The following PRDM11 variants were observed in gnomAD, a reference collection of about 807,000 sequenced individuals.
The protein encoded by PRDM11 is PR domain-containing protein 11.
In PRDM11, 20 loss-of-function variants were observed where a neutral mutation model predicts 97.8. The ratio of observed to expected loss-of-function variants is 0.20; its 90% CI spans 0.14 to 0.30. PRDM11 has a LOEUF of 0.30. Among genes scored for constraint, PRDM11 ranks in the 10% least tolerant of loss-of-function variants. The pLI is 1.00. For synonymous variants in PRDM11, 599 were observed against 637.7 expected, an observed-to-expected ratio of 0.94 and a Z score of 0.91; for missense variants, 1,139 against 1,555.2, an observed-to-expected ratio of 0.73 and a Z score of 4.50.
At chr11:45,211,099 G>A (rs1853715922) in intron 5 of PRDM11, among the ~76,000 whole-genome samples, 1 of 152,202 alleles carries the variant, frequency 6.6e-6, no homozygotes, top group Non-Finnish European at 1.5e-5. Flanking sequence ...TCGGCCAGGG[G>A]CTTGGCAGAA....
At chr11:45,205,005 C>T (rs1321410757) in intron 5 of PRDM11, among the ~76,000 whole-genome samples, 7 of 152,158 alleles carry the variant, frequency 4.6e-5, no homozygotes, top group African/African-American at 9.7e-5. Flanking sequence ...AGGGACCGCT[C>T]GGGCTGCTCA....
intron 7 of PRDM11, chr11:45,225,152 G>T: frequency 7.3e-7 from 1 of 1,360,834 alleles, no homozygotes; most frequent in Non-Finnish European, 9.5e-7. Context: ...TTACCCCAAA[G>T]CCCAATTTCT....
intron 4 of PRDM11, among the ~76,000 whole-genome samples, chr11:45,183,465 GC>G (rs1488236603): frequency 3.9e-5 from 6 of 152,178 alleles, no homozygotes; most frequent in Non-Finnish European, 5.9e-5. Context: ...CTCGGAGCTG[GC>G]CTTTGGGGAT....
chr11:45,139,774 GGTCT>G (rs1253718975), intron 1 of PRDM11, among the ~76,000 whole-genome samples: 1 of 152,038 alleles, frequency 6.6e-6, no homozygotes, highest in South Asian at 2.1e-4. Flanking sequence ...CCTATGTGTT[GGTCT>G]TCCTTGGGAT....
chr11:45,183,150 G>A (rs1247989823), intron 4 of PRDM11, 27 bp downstream of exon 4: 2 of 1,590,710 alleles, frequency 1.3e-6, no homozygotes, highest in Admixed American at 3.5e-5. Context: ...CTATTCATGG[G>A]AGAGGTTGCC....
chr11:45,214,802 C>A (rs1050838483), intron 5 of PRDM11: 15 of 152,194 alleles, frequency 9.9e-5, no homozygotes, highest in Admixed American at 2.0e-4. Flanking sequence ...CCTGTGAAAA[C>A]CTCGAGGACC....
chr11:45,094,557 A>G (rs1360305961), upstream of PRDM11, among the ~76,000 whole-genome samples: 6 of 137,038 alleles, frequency 4.4e-5, no homozygotes, highest in Non-Finnish European at 7.9e-5. Context: ...TGACGGGAGG[A>G]AAGAGGAGAG....
intron 1 of PRDM11, among the ~76,000 whole-genome samples, chr11:45,165,059 C>T (rs989121291): frequency 3.3e-5 from 5 of 152,102 alleles, no homozygotes. Flanking sequence ...GCGGGGGTAA[C>T]GAAAGGCACA....
At position 45,224,635 on chromosome 11, in the gene PRDM11, A is replaced by G. The variant is rs1360948398; in HGVS notation, c.1161A>G (p.Ser387=). The G allele has an allele frequency of 6.2e-7, 1 of 1,614,176 alleles. No individual in the cohort carries two copies. Among genetic ancestry groups the G allele is most frequent in the East Asian group, 2.2e-5 (1 of 44,870 alleles). Residue 387 remains serine (S), a synonymous_variant, in exon 7 of 8, where the codon TCA becomes TCG. Coordinates refer to ENST00000683152, the MANE Select transcript of PRDM11 (RefSeq NM_001384648.1). ...AGGATGAAGAAGAGGAGCCTTCATC[A>G]TTCAAGGCCGACAGTCCTGCCGAGG... is the stretch of plus-strand genomic sequence containing the variant. ...QLEDEEEEPS[S]FKADSPAEAS...
At chr11:45,126,246 G>C (rs1310066220) in intron 1 of PRDM11, among the ~76,000 whole-genome samples, 3 of 151,912 alleles carry the variant, frequency 2.0e-5, no homozygotes, top group Middle Eastern at 3.4e-3. Context: ...TTGTGAGATG[G>C]GTTTCCTGAA....
intron 1 of PRDM11, among the ~76,000 whole-genome samples, chr11:45,180,190 C>T (rs539787074): frequency 6.6e-6 from 1 of 152,380 alleles, no homozygotes; most frequent in Non-Finnish European, 1.5e-5. Context: ...CCAATTCCTG[C>T]GCCCTCACAG....
chr11:45,225,114 C>G (rs1295820114), intron 7 of PRDM11: 2 of 1,421,428 alleles, frequency 1.4e-6, no homozygotes, highest in African/African-American at 2.9e-5. Context: ...GTGTTCTTGA[C>G]CCGTTGCCTT....
chr11:45,094,962 G>A (rs1851867955), upstream of PRDM11, among the ~76,000 whole-genome samples: 1 of 152,054 alleles, frequency 6.6e-6, no homozygotes, highest in Non-Finnish European at 1.5e-5. Flanking sequence ...TCAGTACCTG[G>A]CAGAAGGAGA....
intron 1 of PRDM11, among the ~76,000 whole-genome samples, chr11:45,153,270 C>T (rs1851705246): frequency 6.6e-6 from 1 of 152,222 alleles, no homozygotes. Flanking sequence ...GAGAAGGAGC[C>T]AGGGAGCCAG....
At chr11:45,122,236 C>CACACACACAG (rs570495237) in intron 1 of PRDM11, among the ~76,000 whole-genome samples, 1,468 of 144,598 alleles carry the variant, frequency 0.01, 7 homozygotes, top group South Asian at 0.03. Context: ...CACACACACA[C>CACACACACAG]AGAGAGAAAC....
chr11:45,094,700 AAGGG>A (rs1475945531), upstream of PRDM11, among the ~76,000 whole-genome samples: 3 of 128,664 alleles, frequency 2.3e-5, no homozygotes, highest in East Asian at 2.7e-4. Context: ...GGAAGGAAGG[AAGGG>A]AGGGAGGGAG....
In PRDM11 at chr11:45,203,803, G is replaced by A. The variant is rs566085713; in HGVS notation, c.487-908G>A. Among the ~76,000 whole-genome samples the A allele has an allele frequency of 6.6e-5, 10 of 152,006 alleles. 1 individual carries two copies. Among genetic ancestry groups the A allele is most frequent in the South Asian group, 4.2e-4 (2 of 4,802 alleles). On this transcript the variant is annotated intron_variant, in intron 4 of 7. Coordinates refer to ENST00000683152, the MANE Select transcript of PRDM11 (RefSeq NM_001384648.1). ...ACCCAGCTAATTTTTTTTGCCATAC[G>A]TGTTTAACAGAAATTGTACTGAAAG...
intron 1 of PRDM11, among the ~76,000 whole-genome samples, chr11:45,136,548 G>A (rs915461307): frequency 2.6e-5 from 4 of 152,270 alleles, no homozygotes; most frequent in South Asian, 2.1e-4. Context: ...TACCCAATGC[G>A]GGGCACTGGA....
At position 45,181,828 on chromosome 11, in the gene PRDM11, C is replaced by T. The variant is rs376740929; in HGVS notation, c.62C>T (p.Thr21Met). 5.0e-6 allele frequency: 8 copies of T among 1,613,358 alleles called. No homozygotes were observed. The Admixed American group carries it at 5.0e-5, about 10-fold the overall frequency. The change falls in exon 2 of 8, where the codon ACG (threonine) becomes ATG (methionine). Residue 21 changes from threonine (T) to methionine (M), a missense_variant. Physicochemically the swap from Thr to Met is moderately conservative, Grantham distance 81 (BLOSUM62 -1). This residue lies in a region of PRDM11 where 429 missense variants were observed against 510.3 expected (regional missense o/e 0.84). Transcript: ENST00000683152. ...QTNAAVGDMV[T>M]VVKTEVCSPL... ...AATGCAGCCGTGGGGGATATGGTGA[C>T]GGTGGTGAAGACGGAGGTCTGCTCA... is the stretch of plus-strand genomic sequence containing the variant.
Sources: allele counts gnomAD v4.1 joint callset (sites outside exome capture counted in the v4.1 genomes callset), GRCh38; gene constraint gnomAD v4.1.1; regional missense constraint gnomAD v4.1.1; transcripts MANE v1.5; gene names NCBI Gene and HGNC (gene_info 2026-07-23, HGNC 2026-07-21).